AGMO: variants seen among roughly 807,000 people sequenced by gnomAD.
AGMO encodes glyceryl-ether monooxygenase.
AGMO carries 75 observed loss-of-function variants against 60.2 expected under a neutral mutation model. That is an observed-to-expected ratio of 1.25 (90% CI 1.03 to 1.51). AGMO has a LOEUF of 1.51. Among genes scored for constraint, AGMO ranks in the 40% most tolerant of loss-of-function variants. The pLI is 0.00. For missense variants in AGMO, 763 were observed against 525.5 expected (o/e 1.45, Z -4.42); for synonymous variants, 261 against 177.1 (o/e 1.47, Z -3.76).
chr7:15,368,210 CAGAGCA>C (rs1783058723), intron 10 of AGMO, among the ~76,000 whole-genome samples: 1 of 148,980 alleles, frequency 6.7e-6, no homozygotes, highest in Non-Finnish European at 1.5e-5. Flanking sequence ...TGTCTTAGAC[CAGAGCA>C]AGAGAGTGCT....
chr7:15,127,099 A>G, the AGMO span, among the ~76,000 whole-genome samples: 1 of 151,998 alleles, frequency 6.6e-6, no homozygotes, highest in Non-Finnish European at 1.5e-5. Context: ...AACCAAACCA[A>G]TGTATTTCTT....
At chr7:15,314,958 G>A (rs1178859795) in intron 12 of AGMO, among the ~76,000 whole-genome samples, 2 of 152,128 alleles carry the variant, frequency 1.3e-5, no homozygotes, top group Admixed American at 1.3e-4. Context: ...AATCTGTAGG[G>A]ACCCCAATGT....
intron 12 of AGMO, among the ~76,000 whole-genome samples, chr7:15,360,466 T>C (rs1782705765): frequency 6.6e-6 from 1 of 152,220 alleles, no homozygotes; most frequent in South Asian, 2.1e-4. Flanking sequence ...GAATGTATGA[T>C]ACACTGTATT....
At chr7:15,384,815 CTCT>C (rs1230305189) in intron 10 of AGMO, among the ~76,000 whole-genome samples, 4 of 60,778 alleles carry the variant, frequency 6.6e-5, no homozygotes, top group Non-Finnish European at 1.1e-4. Flanking sequence ...ACCTGTTTTT[CTCT>C]TTTTTTTTTT....
chr7:15,245,945 T>A (rs1425988131), intron 12 of AGMO, among the ~76,000 whole-genome samples: 1 of 152,166 alleles, frequency 6.6e-6, no homozygotes, highest in Non-Finnish European at 1.5e-5. Context: ...ATGTTTCCAT[T>A]GTTCCTTTCC....
Position 15,485,662 on chromosome 7 carries a change from T to C in AGMO, c.410-54554A>G, listed in dbSNP as rs148133199. Among the ~76,000 whole-genome samples the C allele has an allele frequency of 2.0e-5, 3 of 152,224 alleles. No individual in the cohort carries two copies. In the East Asian group the frequency reaches 5.8e-4, roughly 29 times the overall value. ...TAGAGAAGTTAGGGCCTGATGGAGA[T>C]TGATGGCAGCCTTGGAAGAAAACGT... On this transcript the variant is annotated intron_variant, in intron 3 of 12. Coordinates refer to ENST00000342526, the MANE Select transcript of AGMO (RefSeq NM_001004320.2).
At chr7:15,386,969 G>C (rs530286636) in intron 9 of AGMO, among the ~76,000 whole-genome samples, 1 of 152,240 alleles carries the variant, frequency 6.6e-6, no homozygotes, top group African/African-American at 2.4e-5. Context: ...AATCCACACT[G>C]TCTTAATGTG....
chr7:15,531,769 T>C (rs1392601817), intron 3 of AGMO, among the ~76,000 whole-genome samples: 1 of 150,434 alleles, frequency 6.6e-6, no homozygotes, highest in East Asian at 1.9e-4. Context: ...CAAGCGATTC[T>C]CATACCTCAG....
intron 3 of AGMO, among the ~76,000 whole-genome samples, chr7:15,509,129 GACTCTGGAA>G (rs1024433747): frequency 5.3e-5 from 8 of 152,142 alleles, no homozygotes; most frequent in Non-Finnish European, 1.2e-4. Flanking sequence ...TAAAAAGGGA[GACTCTGGAA>G]GACTAAGTAA....
intron 10 of AGMO, among the ~76,000 whole-genome samples, chr7:15,374,755 G>T (rs965297053): frequency 6.6e-6 from 1 of 152,078 alleles, no homozygotes; most frequent in Non-Finnish European, 1.5e-5. Context: ...GGACCCAGAG[G>T]AGCTTGGTGG....
chr7:15,202,595 T>C (rs183471796), intron 12 of AGMO, among the ~76,000 whole-genome samples: 3 of 151,970 alleles, frequency 2.0e-5, no homozygotes, highest in Admixed American at 1.3e-4. Flanking sequence ...GTCAGGTTGA[T>C]GGACTTCTTC....
intron 12 of AGMO, among the ~76,000 whole-genome samples, chr7:15,359,384 T>C (rs1782664904): frequency 6.6e-6 from 1 of 151,760 alleles, no homozygotes; most frequent in African/African-American, 2.4e-5. Flanking sequence ...AATTTATGCT[T>C]TGGGTGTTTC....
intron 5 of AGMO, among the ~76,000 whole-genome samples, chr7:15,410,828 G>A (rs1358570506): frequency 4.6e-5 from 7 of 151,886 alleles, no homozygotes; most frequent in Non-Finnish European, 1.0e-4. Context: ...CTTGGGCAGA[G>A]TTCTTTACCT....
chr7:15,289,943 CTTTTTTT>C (rs36074413), intron 12 of AGMO, among the ~76,000 whole-genome samples: 3 of 31,354 alleles, frequency 9.6e-5, no homozygotes, highest in South Asian at 3.2e-3. Flanking sequence ...TTCCAGAAAT[CTTTTTTT>C]TTTTTTTTTT....
At chr7:15,252,281 G>T (rs925800908) in intron 12 of AGMO, among the ~76,000 whole-genome samples, 1 of 152,198 alleles carries the variant, frequency 6.6e-6, no homozygotes, top group Non-Finnish European at 1.5e-5. Context: ...GTGGTCAAGT[G>T]TGATGGGAAA....
At chr7:15,533,920 A>G (rs1784426383) in intron 3 of AGMO, among the ~76,000 whole-genome samples, 1 of 152,230 alleles carries the variant, frequency 6.6e-6, no homozygotes, top group Non-Finnish European at 1.5e-5. Flanking sequence ...GATGTAGCAC[A>G]AGCTATATAT....
chr7:15,358,759 C>T (rs909558644), intron 12 of AGMO, among the ~76,000 whole-genome samples: 2 of 152,154 alleles, frequency 1.3e-5, no homozygotes, highest in Non-Finnish European at 2.9e-5. Context: ...CACCCAATGC[C>T]AGCAAGAGAA....
At chr7:15,385,897 G>A (rs1433433613) in intron 9 of AGMO, among the ~76,000 whole-genome samples, 1 of 152,128 alleles carries the variant, frequency 6.6e-6, no homozygotes, top group African/African-American at 2.4e-5. Flanking sequence ...AAAAACAGAA[G>A]GTGCCAGATG....
chr7:15,368,964 G>A (rs1465196113), intron 10 of AGMO, among the ~76,000 whole-genome samples: 1 of 152,010 alleles, frequency 6.6e-6, no homozygotes, highest in East Asian at 1.9e-4. Flanking sequence ...CTAAAACACT[G>A]CCTTTGAGCT....
Sources: gnomAD v4.1 joint callset for allele counts (sites outside exome capture counted in the v4.1 genomes callset) on GRCh38, gnomAD v4.1.1 for gene constraint, MANE v1.5 for transcripts, NCBI Gene and HGNC (gene_info 2026-07-23, HGNC 2026-07-21) for gene names.